Variants in UBE2K observed in about 807,000 individuals in gnomAD.
The protein encoded by UBE2K is ubiquitin conjugating enzyme E2 K, also known as ubiquitin-conjugating enzyme E2 K.
A neutral mutation model predicts 30.0 loss-of-function variants in UBE2K; 6 were observed. The observed-to-expected ratio is 0.20, with a 90% CI of 0.11 to 0.39. The LOEUF is 0.39. Among genes scored for constraint, UBE2K ranks in the 10% least tolerant of loss-of-function variants. UBE2K has a pLI of 1.00. For missense variants in UBE2K, 61 were observed against 241.6 expected (o/e 0.25, Z 4.96); for synonymous variants, 86 against 83.7 (o/e 1.03, Z -0.15).
intron 1 of UBE2K, among the ~76,000 whole-genome samples, chr4:39,724,667 G>C (rs552504281): frequency 2.0e-5 from 3 of 151,690 alleles, no homozygotes; most frequent in South Asian, 2.1e-4. Flanking sequence ...TACTTGGGGG[G>C]GCTGAGGCAG....
chr4:39,771,050 T>G, intron 4 of UBE2K: 2 of 1,612,352 alleles, frequency 1.2e-6, no homozygotes, highest in Non-Finnish European at 1.7e-6. Flanking sequence ...AGGCCTATTT[T>G]GGGCTCAGTG....
At chr4:39,739,471 G>C (rs1190122270) in intron 2 of UBE2K, among the ~76,000 whole-genome samples, 4 of 114,968 alleles carry the variant, frequency 3.5e-5, no homozygotes, top group Non-Finnish European at 6.6e-5. Context: ...TTGGGAGACA[G>C]AGTCTTGCTC....
chr4:39,767,746 T>G (rs1238563955), intron 4 of UBE2K, among the ~76,000 whole-genome samples: 1 of 152,224 alleles, frequency 6.6e-6, no homozygotes, highest in Non-Finnish European at 1.5e-5. Context: ...CTTTATGTTT[T>G]TCTTTCAAAT....
At chr4:39,755,469 A>T (rs1311418870) in intron 3 of UBE2K, among the ~76,000 whole-genome samples, 188 bp from the exon 4 acceptor site, 1 of 152,240 alleles carries the variant, frequency 6.6e-6, no homozygotes, top group African/African-American at 2.4e-5. Context: ...TGAAAACAAC[A>T]TATGTTAGTG....
intron 2 of UBE2K, among the ~76,000 whole-genome samples, chr4:39,744,318 G>T (rs1222416042): frequency 6.6e-6 from 1 of 151,802 alleles, no homozygotes; most frequent in Non-Finnish European, 1.5e-5. Context: ...GGCTACAGGC[G>T]TCCGCCACCA....
intron 5 of UBE2K, 59 bp from the exon 6 acceptor site, chr4:39,777,623 G>GA (rs1015848877): frequency 1.8e-5 from 26 of 1,430,018 alleles, no homozygotes; most frequent in Non-Finnish European, 2.3e-5. Context: ...ATTAAGAGCT[G>GA]AAATATATCA....
At chr4:39,700,192 C>T (rs1431695674) in intron 1 of UBE2K, among the ~76,000 whole-genome samples, 2 of 151,926 alleles carry the variant, frequency 1.3e-5, no homozygotes, top group Non-Finnish European at 2.9e-5. Context: ...GACTTTTCAC[C>T]GTGGTATTCT....
chr4:39,772,281 T>C (rs575511864), intron 4 of UBE2K, among the ~76,000 whole-genome samples: 2 of 151,896 alleles, frequency 1.3e-5, no homozygotes, highest in African/African-American at 2.4e-5. Flanking sequence ...AGTAATTGGC[T>C]AGTTGTCGTG....
intron 1 of UBE2K, chr4:39,714,495 C>T (rs1718894878): frequency 8.2e-6 from 1 of 122,554 alleles, no homozygotes; most frequent in Non-Finnish European, 1.6e-5. Context: ...ACTTAACTGT[C>T]CTCCTTGTCT....
chr4:39,728,946 C>T (rs1403806006), intron 1 of UBE2K, among the ~76,000 whole-genome samples: 3 of 150,148 alleles, frequency 2.0e-5, no homozygotes, highest in South Asian at 2.1e-4. Flanking sequence ...GGATTACAGG[C>T]GTGAGCCACC....
chr4:39,729,274 C>T (rs923421198), intron 1 of UBE2K, among the ~76,000 whole-genome samples: 1 of 152,038 alleles, frequency 6.6e-6, no homozygotes, highest in African/African-American at 2.4e-5. Flanking sequence ...CCCGGTCTTT[C>T]CTATCTTTCT....
At position 39,707,528 on chromosome 4, in the gene UBE2K, GC is replaced by G. The variant is rs1328494562; in HGVS notation, c.63+9139del. ...ATGACTGTATGAGGGAGGTTCTTGA[GC>G]TAGGTGCCTTTTTTTTTTTTTTGAG... is the stretch of plus-strand genomic sequence containing the variant. On this transcript the variant is annotated intron_variant, in intron 1 of 6. Transcript: ENST00000261427. Among the ~76,000 whole-genome samples, 42 of 150,446 alleles carry G rather than the reference GC, an allele frequency of 2.8e-4. No homozygotes were observed. In the East Asian group the frequency reaches 3.9e-3, roughly 14 times the overall value.
At chr4:39,770,769 G>T (rs1712744652) in intron 4 of UBE2K, 1 of 1,582,472 alleles carries the variant, frequency 6.3e-7, no homozygotes. Flanking sequence ...GCCTCCAGGG[G>T]GCTTGAGCCG....
chr4:39,768,094 A>T (rs749659075), intron 4 of UBE2K, among the ~76,000 whole-genome samples: 2 of 152,066 alleles, frequency 1.3e-5, no homozygotes, highest in African/African-American at 4.8e-5. Context: ...CTTTGAAATT[A>T]CTCAAACTAT....
At chr4:39,732,366 A>C (rs1455422618) in intron 1 of UBE2K, among the ~76,000 whole-genome samples, 1 of 152,206 alleles carries the variant, frequency 6.6e-6, no homozygotes, top group Non-Finnish European at 1.5e-5. Context: ...CTAGAATGTA[A>C]GCTCCAAGTG....
Position 39,778,573 on chromosome 4 carries a change from G to GAA in UBE2K, c.*149_*150dup. On this transcript the variant is annotated 3_prime_UTR_variant, in exon 7 of 7. Coordinates refer to ENST00000261427, the MANE Select transcript of UBE2K (RefSeq NM_005339.5). ...TGTTATCTAGGCACCATTGGAGACT[G>GAA]AAAAAAAAAAATCCCTGCTCTGTAA... The GAA allele has an allele frequency of 3.2e-5, 12 of 375,692 alleles. No individual in the cohort carries two copies. The highest frequency in any genetic ancestry group is 4.5e-5 in the Admixed American group (1 of 22,172). The allele number at this position is 375,692 out of a possible 1,614,324, so 23.3% of individuals were successfully genotyped here.
At chr4:39,703,312 G>A (rs1718140749) in intron 1 of UBE2K, among the ~76,000 whole-genome samples, 1 of 152,008 alleles carries the variant, frequency 6.6e-6, no homozygotes, top group African/African-American at 2.4e-5. Context: ...AGGAGTTCAA[G>A]ACCAGCCTGG....
Position 39,757,018 on chromosome 4 carries a change from G to GTTTTTTTTTTTTTTTTTT in UBE2K, c.299+1285_299+1286insTTTTTTTTTTTTTTTTTT, listed in dbSNP as rs1227834116. On this transcript the variant is annotated intron_variant, in intron 4 of 6. Transcript: ENST00000261427. ...TTTGGGTGTTTTTTTTTTGTTTTTT[G>GTTTTTTTTTTTTTTTTTT]TTTTTTGTTTTTTGTTTTTTTTTTG... Among the ~76,000 whole-genome samples the GTTTTTTTTTTTTTTTTTT allele has an allele frequency of 1.5e-4, 11 of 72,118 alleles. 1 individual carries two copies. Among genetic ancestry groups the GTTTTTTTTTTTTTTTTTT allele is most frequent in the Non-Finnish European group, 1.9e-4 (7 of 37,230 alleles). The allele number at this position is 72,118 out of a possible 152,430, so 47.3% of individuals were successfully genotyped here.
chr4:39,745,311 T>C (rs1461962333), intron 2 of UBE2K, among the ~76,000 whole-genome samples: 5 of 152,236 alleles, frequency 3.3e-5, no homozygotes, highest in Admixed American at 6.5e-5. Context: ...GAATTTTGTT[T>C]ATGGCATAAT....
Sources: allele counts gnomAD v4.1 joint callset (sites outside exome capture counted in the v4.1 genomes callset), GRCh38; gene constraint gnomAD v4.1.1; transcripts MANE v1.5; gene names NCBI Gene and HGNC (gene_info 2026-07-23, HGNC 2026-07-21).